Variants in PDZD2 observed in about 807,000 individuals in gnomAD.
PDZD2 encodes PDZ domain containing 2, also known as PDZ domain-containing protein 2.
In PDZD2, 90 loss-of-function variants were observed where a neutral mutation model predicts 220.7. The observed-to-expected ratio is 0.41, with a 90% confidence interval of 0.34 to 0.49. PDZD2 has a LOEUF of 0.49. Ranked by LOEUF, PDZD2 falls within the 20% of genes least tolerant of loss-of-function variation. PDZD2 has a pLI of 0.28. For synonymous variants in PDZD2, 1,375 were observed against 1,450.5 expected, an observed-to-expected ratio of 0.95 and a Z score of 1.18; for missense variants, 3,174 against 3,608.5, an observed-to-expected ratio of 0.88 and a Z score of 3.08.
At chr5:32,002,824 CATACAT>C (rs1752314842) in intron 5 of PDZD2, among the ~76,000 whole-genome samples, 1 of 132,820 alleles carries the variant, frequency 7.5e-6, no homozygotes, top group African/African-American at 2.9e-5. Flanking sequence ...ACACACCACA[CATACAT>C]ACCAACACAC....
At chr5:31,914,991 G>C (rs942465561) in intron 2 of PDZD2, among the ~76,000 whole-genome samples, 1 of 152,196 alleles carries the variant, frequency 6.6e-6, no homozygotes, top group Admixed American at 6.5e-5. Context: ...GCCTGAAGTG[G>C]TGAAAACGTG....
chr5:31,678,549 C>T (rs574856549), intron 1 of PDZD2, among the ~76,000 whole-genome samples: 5 of 152,192 alleles, frequency 3.3e-5, no homozygotes, highest in Admixed American at 6.5e-5. Context: ...AGCCTGGGGA[C>T]GTCAGTCTCT....
intron 20 of PDZD2, among the ~76,000 whole-genome samples, chr5:32,092,010 ACACCTGTAATCCCAG>A (rs1426993751): frequency 1.3e-5 from 2 of 152,190 alleles, no homozygotes; most frequent in African/African-American, 4.8e-5. Flanking sequence ...GTGGTGGCTC[ACACCTGTAATCCCAG>A]CACTTTAGGA....
chr5:32,000,063 C>A lies in PDZD2; in HGVS notation c.1122-76C>A. 7.3e-7 allele frequency: 1 copy of A among 1,371,200 alleles called. No homozygotes were observed. Among genetic ancestry groups the A allele is most frequent in the East Asian group, 2.3e-5 (1 of 42,622 alleles). 84.9% of individuals were successfully genotyped at this position (1,371,200 alleles called of 1,614,324 possible). On this transcript the variant is annotated intron_variant, in intron 4 of 24. Coordinates refer to ENST00000438447, the MANE Select transcript of PDZD2 (RefSeq NM_178140.4). This position sits in a 1 kb window ranked among gnomAD's most constrained non-coding sequence, Gnocchi z 4.5. The stretch of plus-strand genomic sequence containing the variant: ...TAACCGTCCCTCCTCACAACCCTCC[C>A]TAGCTCCAGAAAATGGCCCTTCTCA...
chr5:31,714,204 C>G (rs1265815157), intron 1 of PDZD2, among the ~76,000 whole-genome samples: 1 of 152,152 alleles, frequency 6.6e-6, no homozygotes, highest in Non-Finnish European at 1.5e-5. Context: ...GGAAAGTTTG[C>G]CTGGATTGGA....
At chr5:31,845,631 T>C (rs1159082854) in intron 2 of PDZD2, among the ~76,000 whole-genome samples, 8 of 152,294 alleles carry the variant, frequency 5.3e-5, no homozygotes, top group Admixed American at 2.6e-4. Flanking sequence ...ACAGATAGCA[T>C]TGGGTAGCAA....
chr5:31,923,484 G>A, intron 2 of PDZD2: 1 of 958,740 alleles, frequency 1.0e-6, no homozygotes, highest in Non-Finnish European at 1.7e-6. Context: ...TAAGAGGGGT[G>A]CAGATCCTGG....
intron 1 of PDZD2, among the ~76,000 whole-genome samples, chr5:31,666,877 G>T (rs549823225): frequency 4.7e-4 from 71 of 152,270 alleles, no homozygotes; most frequent in African/African-American, 1.6e-3. Context: ...GTGGTCCTCA[G>T]TGTTTCTTGT....
At chr5:31,697,030 T>C (rs1747407956) in intron 1 of PDZD2, among the ~76,000 whole-genome samples, 1 of 152,194 alleles carries the variant, frequency 6.6e-6, no homozygotes, top group African/African-American at 2.4e-5. Flanking sequence ...ATTGTGCTCA[T>C]AGGGGCATAA....
At chr5:31,821,682 AT>A (rs1008900823) in intron 2 of PDZD2, among the ~76,000 whole-genome samples, 2 of 151,610 alleles carry the variant, frequency 1.3e-5, no homozygotes, top group Non-Finnish European at 2.9e-5. Flanking sequence ...CCCGGCCATG[AT>A]TTTTTTTTAT....
chr5:31,796,873 T>C (rs1293305433), intron 1 of PDZD2, among the ~76,000 whole-genome samples: 1 of 152,138 alleles, frequency 6.6e-6, no homozygotes, highest in East Asian at 1.9e-4. Context: ...ATCAGACTTA[T>C]TTAAAGAGCA....
chr5:31,756,620 C>A (rs1240225931), intron 1 of PDZD2, among the ~76,000 whole-genome samples: 2 of 152,180 alleles, frequency 1.3e-5, no homozygotes, highest in East Asian at 1.9e-4. Context: ...GGATCCTGGG[C>A]ACCCCACAGA....
At chr5:31,818,427 C>T (rs542281730) in intron 2 of PDZD2, among the ~76,000 whole-genome samples, 1 of 152,258 alleles carries the variant, frequency 6.6e-6, no homozygotes, top group African/African-American at 2.4e-5. Flanking sequence ...TGCCTGCCAC[C>T]CATCCTCCCC....
chr5:31,845,011 C>T (rs9292445), intron 2 of PDZD2, among the ~76,000 whole-genome samples: 80,748 of 151,962 alleles, frequency 0.53, 23,637 homozygotes, highest in African/African-American at 0.79. Flanking sequence ...TTCATGTTTT[C>T]GAGACTGTGA....
chr5:31,664,497 C>T (rs78069822), intron 1 of PDZD2, among the ~76,000 whole-genome samples: 1,574 of 152,064 alleles, frequency 0.01, 13 homozygotes, highest in Non-Finnish European at 0.017. Context: ...CATGCGTACA[C>T]ACACATACAC....
chr5:31,767,562 C>T (rs1208085168), intron 1 of PDZD2, among the ~76,000 whole-genome samples: 3 of 152,228 alleles, frequency 2.0e-5, no homozygotes, highest in African/African-American at 7.2e-5. Context: ...CCAGATGACT[C>T]ATATCTTGTA....
At chr5:31,893,643 T>C (rs1232961131) in intron 2 of PDZD2, among the ~76,000 whole-genome samples, 2 of 152,190 alleles carry the variant, frequency 1.3e-5, no homozygotes, top group Non-Finnish European at 2.9e-5. Context: ...TCCGGTGGAA[T>C]AAATGTAGCG....
intron 1 of PDZD2, among the ~76,000 whole-genome samples, chr5:31,754,968 T>C (rs1342862184): frequency 1.3e-5 from 2 of 152,212 alleles, no homozygotes; most frequent in Non-Finnish European, 2.9e-5. Flanking sequence ...CTTGGACAAG[T>C]GAGGGCTTGT....
At chr5:31,752,419 G>C (rs1751053068) in intron 1 of PDZD2, among the ~76,000 whole-genome samples, 1 of 152,002 alleles carries the variant, frequency 6.6e-6, no homozygotes, top group African/African-American at 2.4e-5. Flanking sequence ...CGTGGTGGTG[G>C]ACACCTGTAG....
Sources: gnomAD v4.1 joint callset for allele counts (sites outside exome capture counted in the v4.1 genomes callset) on GRCh38, gnomAD v4.1.1 for gene constraint, Gnocchi (gnomAD v3.1) non-coding constraint, MANE v1.5 for transcripts, NCBI Gene and HGNC (gene_info 2026-07-23, HGNC 2026-07-21) for gene names.